TTC7B: variants seen among roughly 807,000 people sequenced by gnomAD.
The protein encoded by TTC7B is tetratricopeptide repeat domain 7B.
In TTC7B, 28 loss-of-function variants were observed where a neutral mutation model predicts 106.8. That is an observed-to-expected ratio of 0.26 (90% CI 0.19 to 0.36). TTC7B has a LOEUF of 0.36. Among genes scored for constraint, TTC7B ranks in the 10% least tolerant of loss-of-function variants. The pLI is 1.00. For missense variants in TTC7B, 862 were observed against 1,076.4 expected (o/e 0.80, Z 2.79); for synonymous variants, 405 against 430.6 (o/e 0.94, Z 0.74).
chr14:90,714,875 T>C (rs1888595639), intron 5 of TTC7B, among the ~76,000 whole-genome samples: 1 of 152,240 alleles, frequency 6.6e-6, no homozygotes, highest in African/African-American at 2.4e-5. Context: ...AATTCCTGGC[T>C]ATCTCCCCCT....
chr14:90,782,769 G>GGAGTTA, intron 2 of TTC7B, among the ~76,000 whole-genome samples: 1 of 152,284 alleles, frequency 6.6e-6, no homozygotes, highest in East Asian at 1.9e-4. Context: ...GGGGGAATGA[G>GGAGTTA]GAGTTAGCAT....
At chr14:90,776,083 G>A (rs1034910164) in intron 3 of TTC7B, among the ~76,000 whole-genome samples, 6 of 151,372 alleles carry the variant, frequency 4.0e-5, no homozygotes, top group Non-Finnish European at 8.8e-5. Flanking sequence ...AAGGCAAGTA[G>A]CCCTGTTATA....
intron 1 of TTC7B, 70 bp downstream of exon 1, chr14:90,816,105 G>T (rs1477607938): frequency 2.0e-6 from 2 of 975,818 alleles, no homozygotes; most frequent in Non-Finnish European, 2.4e-6. Flanking sequence ...GCCCGGCCGC[G>T]CCTCGGGGGC....
intron 1 of TTC7B, among the ~76,000 whole-genome samples, chr14:90,791,347 A>G (rs1021199648): frequency 6.6e-6 from 1 of 152,108 alleles, no homozygotes; most frequent in Non-Finnish European, 1.5e-5. Context: ...GTTGTGCACA[A>G]TATCTGGCAC....
intron 9 of TTC7B, among the ~76,000 whole-genome samples, chr14:90,667,368 G>A (rs1040506053): frequency 1.3e-5 from 2 of 152,118 alleles, no homozygotes; most frequent in African/African-American, 2.4e-5. Flanking sequence ...AAGCAGGGTC[G>A]CTGAGCTATG....
Position 90,657,883 on chromosome 14 carries a change from T to G in TTC7B, c.1236+421A>C. On this transcript the variant is annotated intron_variant, in intron 10 of 19. Coordinates refer to ENST00000328459, the MANE Select transcript of TTC7B (RefSeq NM_001010854.2). This position sits in a 1 kb window ranked among gnomAD's most constrained non-coding sequence, Gnocchi z 4.2. ...TCAGCTGGGAGAGCAGCATCAAGCT[T>G]CTATCCTGCCGTTGGACTCCCTCAG... 5.3e-6 allele frequency: 1 copy of G among 190,240 alleles called. No homozygotes were observed. Among genetic ancestry groups the G allele is most frequent in the South Asian group, 9.3e-5 (1 of 10,708 alleles). 11.8% of individuals were successfully genotyped at this position (190,240 alleles called of 1,614,324 possible).
chr14:90,576,555 T>C (rs955917205), intron 19 of TTC7B, among the ~76,000 whole-genome samples: 1 of 152,202 alleles, frequency 6.6e-6, no homozygotes, highest in African/African-American at 2.4e-5. Context: ...TCTGCTAAGA[T>C]TATTATGTAA....
chr14:90,766,148 T>TTC (rs938501241), intron 3 of TTC7B, among the ~76,000 whole-genome samples: 15 of 151,810 alleles, frequency 9.9e-5, no homozygotes, highest in African/African-American at 3.6e-4. Context: ...TTTTTTTTTT[T>TTC]TTAATAAACA....
Position 90,740,504 on chromosome 14 carries a change from T to C in TTC7B, c.576+4288A>G, listed in dbSNP as rs868734986. Among the ~76,000 whole-genome samples the C allele has an allele frequency of 7.8e-3, 1,083 of 139,562 alleles. 17 individuals are homozygous for C. The highest frequency in any genetic ancestry group is 0.027 in the African/African-American group (1,036 of 37,736). 91.6% of individuals were successfully genotyped at this position (139,562 alleles called of 152,430 possible). A position where few individuals can be genotyped will look rare whatever the true frequency, so the allele number is the denominator to read the frequency against. On this transcript the variant is annotated intron_variant, in intron 4 of 19. Transcript: ENST00000328459. ...CCTGAAATTCTTTGACTTTTTTTTTTTTTTTTTTTTTTTTTGAGATGGAGT... is the reference window on the plus strand; with the variant it reads ...CCTGAAATTCTTTGACTTTTTTTTTCTTTTTTTTTTTTTTTGAGATGGAGT...
At chr14:90,659,230 T>TGTGTGTGTGAGA (rs559012864) in intron 9 of TTC7B, among the ~76,000 whole-genome samples, 4 of 146,862 alleles carry the variant, frequency 2.7e-5, no homozygotes, top group Non-Finnish European at 6.1e-5. Context: ...TGTGTGTGTG[T>TGTGTGTGTGAGA]GAGAGAGAGA....
intron 8 of TTC7B, among the ~76,000 whole-genome samples, 155 bp downstream of exon 8, chr14:90,680,317 C>A (rs1252480900): frequency 1.8e-4 from 27 of 152,186 alleles, no homozygotes; most frequent in Admixed American, 1.8e-3. Context: ...AAACAACCCT[C>A]TTTTTAAACC....
intron 1 of TTC7B, among the ~76,000 whole-genome samples, chr14:90,811,017 T>C (rs908093946): frequency 2.6e-5 from 4 of 152,178 alleles, no homozygotes; most frequent in Admixed American, 2.6e-4. Context: ...ACCAAGCAGA[T>C]GGATGAGGCT....
intron 5 of TTC7B, among the ~76,000 whole-genome samples, chr14:90,709,990 AAAAAAG>A (rs1566849036): frequency 1.3e-5 from 2 of 150,958 alleles, no homozygotes; most frequent in East Asian, 3.9e-4. Context: ...AGAAAAAAAA[AAAAAAG>A]AAAAGAAATT....
chr14:90,816,081 T>TG (rs1273070735), intron 1 of TTC7B, 94 bp downstream of exon 1: 1 of 977,538 alleles, frequency 1.0e-6, no homozygotes, highest in Non-Finnish European at 1.2e-6. Context: ...GCCGCGCCCC[T>TG]GCCCGCGCCC....
At chr14:90,753,813 C>T (rs1481369075) in intron 3 of TTC7B, among the ~76,000 whole-genome samples, 1 of 152,240 alleles carries the variant, frequency 6.6e-6, no homozygotes, top group African/African-American at 2.4e-5. Context: ...CAAACACACA[C>T]ACATCCCTCA....
At chr14:90,710,774 A>G (rs1191971770) in intron 5 of TTC7B, among the ~76,000 whole-genome samples, 1 of 152,172 alleles carries the variant, frequency 6.6e-6, no homozygotes, top group African/African-American at 2.4e-5. Flanking sequence ...TAAGGTATGT[A>G]CTCTTTTCTG....
chr14:90,744,556 G>C (rs527412261), intron 4 of TTC7B, among the ~76,000 whole-genome samples: 1 of 152,210 alleles, frequency 6.6e-6, no homozygotes, highest in South Asian at 2.1e-4. Flanking sequence ...AGATCCACCT[G>C]CCTCAGCCTC....
chr14:90,601,654 G>C (rs1236859822), intron 17 of TTC7B, among the ~76,000 whole-genome samples: 1 of 152,118 alleles, frequency 6.6e-6, no homozygotes, highest in Non-Finnish European at 1.5e-5. Flanking sequence ...CACCTGCAGG[G>C]GAGCGCCCCG....
intron 17 of TTC7B, among the ~76,000 whole-genome samples, chr14:90,606,513 A>G (rs1892645577): frequency 6.6e-6 from 1 of 152,222 alleles, no homozygotes; most frequent in Non-Finnish European, 1.5e-5. Flanking sequence ...AAGGCAAAGG[A>G]ATAAAATATT....
Sources: gnomAD v4.1 joint callset for allele counts (sites outside exome capture counted in the v4.1 genomes callset) on GRCh38, gnomAD v4.1.1 for gene constraint, Gnocchi (gnomAD v3.1) non-coding constraint, MANE v1.5 for transcripts, NCBI Gene and HGNC (gene_info 2026-07-23, HGNC 2026-07-21) for gene names.